Variants in SLC6A11 observed in about 807,000 individuals in gnomAD.
SLC6A11 encodes sodium- and chloride-dependent GABA transporter 3.
Under a neutral mutation model 74.8 loss-of-function variants are expected in SLC6A11, and 25 were observed. The observed-to-expected ratio is 0.33, with a 90% CI of 0.24 to 0.47. SLC6A11 has a LOEUF of 0.47. Ranked by LOEUF, SLC6A11 falls within the 20% of genes least tolerant of loss-of-function variation. The probability of loss-of-function intolerance (pLI) is 1.00; values close to 1 mark genes in which losing one functional copy is unlikely to be tolerated. For missense variants in SLC6A11, 574 were observed against 837.0 expected, an observed-to-expected ratio of 0.69 and a Z score of 3.88; for synonymous variants, 330 against 330.2, an observed-to-expected ratio of 1.00 and a Z score of 0.01.
At chr3:10,922,317 T>G (rs1426565476) in intron 8 of SLC6A11, among the ~76,000 whole-genome samples, 1 of 152,168 alleles carries the variant, frequency 6.6e-6, no homozygotes, top group Non-Finnish European at 1.5e-5. Context: ...TAAGATTAGC[T>G]TCATCAATGC....
intron 6 of SLC6A11, among the ~76,000 whole-genome samples, chr3:10,893,272 G>A (rs1695128680): frequency 6.6e-6 from 1 of 152,178 alleles, no homozygotes; most frequent in South Asian, 2.1e-4. Flanking sequence ...TTTGTGCAAG[G>A]TGAGGTTGGA....
chr3:10,896,108 C>T (rs1256397399), intron 6 of SLC6A11, among the ~76,000 whole-genome samples: 2 of 152,246 alleles, frequency 1.3e-5, no homozygotes, highest in South Asian at 4.1e-4. Flanking sequence ...GAAGGCTGGG[C>T]AGGGCCAGCT....
intron 5 of SLC6A11, among the ~76,000 whole-genome samples, chr3:10,873,573 CCCTACCCTACGCTAT>C (rs1694863051): frequency 8.8e-6 from 1 of 113,326 alleles, no homozygotes; most frequent in Admixed American, 8.6e-5. Flanking sequence ...CCCTACCCTA[CCCTACCCTACGCTAT>C]CCTATCCTAT....
intron 8 of SLC6A11, among the ~76,000 whole-genome samples, chr3:10,919,520 C>A (rs1695507700): frequency 6.6e-6 from 1 of 152,150 alleles, no homozygotes; most frequent in Non-Finnish European, 1.5e-5. Flanking sequence ...TTGGCATGTG[C>A]AGTCAGGGAA....
intron 4 of SLC6A11, among the ~76,000 whole-genome samples, chr3:10,828,544 C>G (rs78357278): frequency 0.018 from 2,785 of 152,308 alleles, 64 homozygotes; most frequent in East Asian, 0.094. Context: ...CTATCTTCCC[C>G]TCTGCACATT....
chr3:10,871,088 C>T (rs920823433), intron 5 of SLC6A11, among the ~76,000 whole-genome samples: 2 of 152,180 alleles, frequency 1.3e-5, no homozygotes, highest in Admixed American at 1.3e-4. Flanking sequence ...AAATTATCAT[C>T]AGCCACATAA....
chr3:10,935,127 C>T lies in SLC6A11; in HGVS notation c.1674C>T (p.Ala558=), dbSNP rs1036105855. The change falls in exon 13 of 14, where the codon GCC becomes GCT. Residue 558 remains alanine, a synonymous_variant. Coordinates refer to ENST00000254488, the MANE Select transcript of SLC6A11 (RefSeq NM_014229.3). ...GCTATGGCATTGGCTGGCTCATGGC[C>T]CTGTCCTCCATGCTCTGCATCCCGC... The part of the protein sequence containing the change: ...AWGYGIGWLM[A]LSSMLCIPLW... 2.5e-6 allele frequency: 4 copies of T among 1,614,098 alleles called. No homozygotes were observed. Among genetic ancestry groups the T allele is most frequent in the African/African-American group, 1.3e-5 (1 of 74,950 alleles).
At position 10,854,691 on chromosome 3, in the gene SLC6A11, C is replaced by T. The variant is rs146144777; in HGVS notation, c.756+10345C>T. Among the ~76,000 whole-genome samples, 138 of 152,302 alleles carry T rather than the reference C, an allele frequency of 9.1e-4. 1 individual carries two copies. In the East Asian group the frequency reaches 0.012, roughly 13 times the overall value. On this transcript the variant is annotated intron_variant, in intron 5 of 13. Transcript: ENST00000254488. ...GAGACAGTAAGTAATAGAGCCAAGA[C>T]GCGGATGCAGATCTGTCTGGTTCCA...
intron 5 of SLC6A11, among the ~76,000 whole-genome samples, chr3:10,855,867 C>T (rs80029156): frequency 1.4e-3 from 214 of 152,346 alleles, no homozygotes; most frequent in African/African-American, 5.0e-3. Context: ...TAACCTCCTT[C>T]CCTTTTCCCT....
chr3:10,872,677 T>TTGAG (rs901410822), intron 5 of SLC6A11, among the ~76,000 whole-genome samples: 1 of 152,124 alleles, frequency 6.6e-6, no homozygotes, highest in African/African-American at 2.4e-5. Context: ...ATGAGAGTGT[T>TTGAG]TGAGTGAGTG....
intron 5 of SLC6A11, among the ~76,000 whole-genome samples, chr3:10,874,619 A>C (rs1473976310): frequency 6.6e-6 from 1 of 152,172 alleles, no homozygotes; most frequent in Non-Finnish European, 1.5e-5. Context: ...GCAGGTCTCT[A>C]GAGCTGATAC....
chr3:10,868,342 TC>T (rs1694789589), intron 5 of SLC6A11, among the ~76,000 whole-genome samples: 1 of 152,188 alleles, frequency 6.6e-6, no homozygotes, highest in South Asian at 2.1e-4. Context: ...TTTGTGGCAT[TC>T]CAAATGATCA....
chr3:10,873,782 C>T (rs1255509818), intron 5 of SLC6A11, among the ~76,000 whole-genome samples: 1 of 145,654 alleles, frequency 6.9e-6, no homozygotes, highest in African/African-American at 2.6e-5. Flanking sequence ...CCTGTCCTGT[C>T]CTATCCTATC....
At chr3:10,872,807 A>G (rs115881245) in intron 5 of SLC6A11, among the ~76,000 whole-genome samples, 2,049 of 152,310 alleles carry the variant, frequency 0.013, 36 homozygotes, top group African/African-American at 0.047. Flanking sequence ...TAACTTAGAA[A>G]GCTGGAAGTC....
At chr3:10,868,731 T>A (rs1216432314) in intron 5 of SLC6A11, among the ~76,000 whole-genome samples, 1 of 152,238 alleles carries the variant, frequency 6.6e-6, no homozygotes, top group African/African-American at 2.4e-5. Context: ...CATCACCAAA[T>A]GCTGCATAGT....
intron 6 of SLC6A11, among the ~76,000 whole-genome samples, chr3:10,909,450 G>A (rs1255393021): frequency 6.6e-6 from 1 of 152,172 alleles, no homozygotes; most frequent in Non-Finnish European, 1.5e-5. Context: ...GCTTTCTTTG[G>A]TGTTTTCTAA....
intron 8 of SLC6A11, among the ~76,000 whole-genome samples, chr3:10,919,378 A>G (rs1307734965): frequency 6.6e-6 from 1 of 152,166 alleles, no homozygotes; most frequent in African/African-American, 2.4e-5. Flanking sequence ...AGTGGGACAT[A>G]TTTTTTAAGA....
chr3:10,822,241 C>T (rs1006592874), intron 3 of SLC6A11, among the ~76,000 whole-genome samples: 4 of 152,202 alleles, frequency 2.6e-5, no homozygotes, highest in Non-Finnish European at 4.4e-5. Flanking sequence ...GCTCCTGCTC[C>T]GTGCTGGCCA....
At position 10,900,989 on chromosome 3, in the gene SLC6A11, G is replaced by A. The variant is rs1695232978; in HGVS notation, c.892-11101G>A. Among the ~76,000 whole-genome samples, 3 of 152,188 alleles carry A rather than the reference G, an allele frequency of 2.0e-5. No homozygotes were observed. In the South Asian group the frequency reaches 6.2e-4, roughly 31 times the overall value. On this transcript the variant is annotated intron_variant, in intron 6 of 13. Transcript: ENST00000254488. ...GAATGGGAAACTTCTAGCATTTAGAGAGTGGGGGCTGGTGGGTAGACATCC... is the reference window on the plus strand; with the variant it reads ...GAATGGGAAACTTCTAGCATTTAGAAAGTGGGGGCTGGTGGGTAGACATCC...
Sources: allele counts gnomAD v4.1 joint callset (sites outside exome capture counted in the v4.1 genomes callset), GRCh38; gene constraint gnomAD v4.1.1; transcripts MANE v1.5; gene names NCBI Gene and HGNC (gene_info 2026-07-23, HGNC 2026-07-21).